The following DHRSX variants were observed in gnomAD, a reference collection of about 807,000 sequenced individuals.
DHRSX encodes the protein dehydrogenase/reductase X-linked.
A neutral mutation model predicts 34.0 loss-of-function variants in DHRSX; 31 were observed. That is an observed-to-expected ratio of 0.91 (90% CI 0.69 to 1.23). The LOEUF (loss-of-function observed/expected upper bound fraction) is 1.23, where lower values mean the gene tolerates loss of function less well. DHRSX is among the 50% of genes most tolerant of loss of function. DHRSX has a pLI of 0.00. For missense variants in DHRSX, 414 were observed against 428.1 expected (o/e 0.97, Z 0.29); for synonymous variants, 201 against 183.8 (o/e 1.09, Z -0.76).
intron 3 of DHRSX, among the ~76,000 whole-genome samples, chrX:2,381,252 G>T (rs767159757): frequency 1.3e-5 from 2 of 152,232 alleles, no homozygotes; most frequent in East Asian, 3.9e-4. Context: ...ATGAGGGTGG[G>T]GCCTCAGGAA....
chrX:2,275,925 C>T (rs1602854188), intron 4 of DHRSX, among the ~76,000 whole-genome samples: 2 of 152,034 alleles, frequency 1.3e-5, no homozygotes, highest in Admixed American at 6.5e-5. Flanking sequence ...CCCACTGCAG[C>T]CTCTGCCTCC....
chrX:2,369,250 A>C (rs1336640232), intron 3 of DHRSX, among the ~76,000 whole-genome samples: 1 of 152,242 alleles, frequency 6.6e-6, no homozygotes, highest in Non-Finnish European at 1.5e-5. Flanking sequence ...ATCTTGTCTG[A>C]AGATGGGTGA....
chrX:2,235,739 GAAAAAA>G (rs765422799), intron 6 of DHRSX, among the ~76,000 whole-genome samples: 3 of 130,752 alleles, frequency 2.3e-5, no homozygotes, highest in Non-Finnish European at 3.2e-5. Context: ...CATCTCAGGG[GAAAAAA>G]AAAAAAAAAA....
intron 3 of DHRSX, chrX:2,337,805 G>C (rs2042587566): frequency 6.6e-6 from 1 of 152,006 alleles, no homozygotes. Context: ...GTCATGTTTA[G>C]CTGCTCAGCA....
At chrX:2,384,507 G>A (rs958112772) in intron 3 of DHRSX, among the ~76,000 whole-genome samples, 1 of 152,168 alleles carries the variant, frequency 6.6e-6, no homozygotes, top group African/African-American at 2.4e-5. Flanking sequence ...AGGTCTTGGA[G>A]AAAGCAAACC....
intron 3 of DHRSX, among the ~76,000 whole-genome samples, chrX:2,395,936 A>T (rs1425541605): frequency 6.6e-6 from 1 of 151,984 alleles, no homozygotes; most frequent in African/African-American, 2.4e-5. Context: ...AAATGACCAC[A>T]CCTGGGGAAC....
chrX:2,249,821 G>A (rs888719176), intron 5 of DHRSX, among the ~76,000 whole-genome samples: 1 of 151,608 alleles, frequency 6.6e-6, no homozygotes, highest in Non-Finnish European at 1.5e-5. Flanking sequence ...AACGCACCTG[G>A]CCTATGAATA....
At chrX:2,485,158 C>G (rs1244260101) in intron 1 of DHRSX, among the ~76,000 whole-genome samples, 1 of 152,140 alleles carries the variant, frequency 6.6e-6, no homozygotes, top group Non-Finnish European at 1.5e-5. Context: ...GAAGGAGTGC[C>G]ACACAGGCTG....
rs2015514884 is a variant in DHRSX at position 2,221,297 on chromosome X, TCA to T, written c.805-70_805-69del. ...GAGCAGGAAACAGGAGTCTCAGGAC[TCA>T]CATGGATGCTGCAGGGACAGGTGGA... On this transcript the variant is annotated intron_variant, in intron 6 of 6. Transcript: ENST00000334651. The T allele has an allele frequency of 2.0e-6, 3 of 1,495,914 alleles. No individual in the cohort carries two copies. The East Asian group carries it at 6.8e-5, about 34-fold the overall frequency. The allele number at this position is 1,495,914 out of a possible 1,614,324, so 92.7% of individuals were successfully genotyped here. A position where few individuals can be genotyped will look rare whatever the true frequency, so the allele number is the denominator to read the frequency against.
chrX:2,295,640 A>C (rs1203809452), intron 3 of DHRSX, among the ~76,000 whole-genome samples: 4 of 152,188 alleles, frequency 2.6e-5, no homozygotes, highest in African/African-American at 9.6e-5. Flanking sequence ...TAACTTTCTA[A>C]AACACGTCAT....
At chrX:2,445,392 C>T (rs1325935989) in intron 1 of DHRSX, among the ~76,000 whole-genome samples, 11 of 151,890 alleles carry the variant, frequency 7.2e-5, no homozygotes, top group African/African-American at 2.2e-4. Context: ...AAACAAGGAG[C>T]GTTTCTTTGA....
intron 1 of DHRSX, among the ~76,000 whole-genome samples, chrX:2,484,738 A>G (rs2044837988): frequency 6.6e-6 from 1 of 152,074 alleles, no homozygotes; most frequent in Admixed American, 6.5e-5. Flanking sequence ...CGGGCCTGAG[A>G]TCACAGAGGG....
intron 3 of DHRSX, among the ~76,000 whole-genome samples, chrX:2,355,626 A>C (rs1390775595): frequency 6.6e-6 from 1 of 152,024 alleles, no homozygotes; most frequent in Non-Finnish European, 1.5e-5. Context: ...AAAAATAATA[A>C]ATTCAGAGCA....
chrX:2,225,501 A>G (rs2015637597), intron 6 of DHRSX, among the ~76,000 whole-genome samples: 1 of 152,188 alleles, frequency 6.6e-6, no homozygotes, highest in Non-Finnish European at 1.5e-5. Flanking sequence ...TGCACAGATT[A>G]TTTATCCTAA....
intron 3 of DHRSX, among the ~76,000 whole-genome samples, chrX:2,366,757 G>A (rs972385028): frequency 2.2e-5 from 3 of 136,110 alleles, no homozygotes; most frequent in Admixed American, 7.1e-5. Context: ...CATCATACCC[G>A]GATAATTTTT....
intron 3 of DHRSX, among the ~76,000 whole-genome samples, chrX:2,341,059 C>T (rs1339988727): frequency 2.0e-5 from 3 of 151,994 alleles, no homozygotes; most frequent in Admixed American, 6.6e-5. Context: ...AAATGGCTGC[C>T]GCTCTCTCTC....
intron 3 of DHRSX, among the ~76,000 whole-genome samples, chrX:2,371,279 T>C (rs1472300998): frequency 6.7e-6 from 1 of 148,210 alleles, no homozygotes; most frequent in African/African-American, 2.6e-5. Flanking sequence ...CTTCTACTTC[T>C]GTTACCATAG....
intron 3 of DHRSX, among the ~76,000 whole-genome samples, chrX:2,403,600 A>C (rs1160883544): frequency 1.3e-5 from 2 of 152,188 alleles, no homozygotes; most frequent in Admixed American, 6.5e-5. Flanking sequence ...TCACGCCTGT[A>C]ATCCCAGCAA....
At chrX:2,409,712 T>C (rs2043602211) in intron 2 of DHRSX, among the ~76,000 whole-genome samples, 1 of 151,422 alleles carries the variant, frequency 6.6e-6, no homozygotes, top group Non-Finnish European at 1.5e-5. Flanking sequence ...GTTAATTGGG[T>C]TTTTTTGTTT....
Sources: gnomAD v4.1 joint callset for allele counts (sites outside exome capture counted in the v4.1 genomes callset) on GRCh38, gnomAD v4.1.1 for gene constraint, MANE v1.5 for transcripts, NCBI Gene and HGNC (gene_info 2026-07-23, HGNC 2026-07-21) for gene names.